The following DCC variants were observed in gnomAD, a reference collection of about 807,000 sequenced individuals.
DCC encodes netrin receptor DCC.
In DCC, 58 loss-of-function variants were observed where a neutral mutation model predicts 172.5. That is an observed-to-expected ratio of 0.34 (90% CI 0.27 to 0.42). The LOEUF is 0.42. Among genes scored for constraint, DCC ranks in the 10% least tolerant of loss-of-function variants. The pLI is 1.00. For synonymous variants in DCC, 709 were observed against 644.5 expected, an observed-to-expected ratio of 1.10 and a Z score of -1.52; for missense variants, 1,740 against 1,791.0, an observed-to-expected ratio of 0.97 and a Z score of 0.51.
intron 1 of DCC, among the ~76,000 whole-genome samples, chr18:52,637,134 A>C (rs1185126739): frequency 6.6e-6 from 1 of 152,156 alleles, no homozygotes; most frequent in African/African-American, 2.4e-5. Context: ...TAATACATCA[A>C]AGGAACACCC....
Position 52,359,866 on chromosome 18 carries a change from T to C in DCC, c.91+18988T>C, listed in dbSNP as rs192510482. On this transcript the variant is annotated intron_variant, in intron 1 of 28. Transcript: ENST00000442544. The stretch of plus-strand genomic sequence containing the variant: ...AACAGTGAGAGAGGAATTAATATTA[T>C]GTCCTTTTACAAGTAGGAAAAGTGA... Among the ~76,000 whole-genome samples, 12 of 152,358 alleles carry C rather than the reference T, an allele frequency of 7.9e-5. 1 individual carries two copies. Among genetic ancestry groups the C allele is most frequent in the African/African-American group, 2.9e-4 (12 of 41,594 alleles).
intron 2 of DCC, among the ~76,000 whole-genome samples, chr18:52,853,463 G>A (rs1370471903): frequency 2.6e-5 from 4 of 152,090 alleles, no homozygotes; most frequent in South Asian, 2.1e-4. Context: ...TTTATGAAAC[G>A]GTACACTTTT....
chr18:52,666,287 C>T (rs1397631004), intron 1 of DCC, among the ~76,000 whole-genome samples: 4 of 151,676 alleles, frequency 2.6e-5, no homozygotes, highest in Non-Finnish European at 5.9e-5. Flanking sequence ...GAGTGAGACT[C>T]CGTTACAAAA....
rs141192483 is a variant in DCC, at chr18:52,819,953, C to G, written c.412+67579C>G. 1.4e-3 allele frequency among the ~76,000 whole-genome samples: 214 copies of G among 152,180 alleles called. 1 individual carries two copies. The East Asian group carries it at 0.029, about 20-fold the overall frequency. On this transcript the variant is annotated intron_variant, in intron 2 of 28. Transcript: ENST00000442544. ...GCCAGGATGGTATCAATCTCCTGAC[C>G]TCGTGATCCACCTGCCTCGGCCTCC...
chr18:52,879,412 C>CTTTTTTTTTTTTTTTTGTTTTT (rs2039449222), intron 2 of DCC, among the ~76,000 whole-genome samples: 1 of 62,356 alleles, frequency 1.6e-5, no homozygotes, highest in African/African-American at 6.9e-5. Context: ...TGTTGTTTGG[C>CTTTTTTTTTTTTTTTTGTTTTT]TTTTTTTTTT....
chr18:52,376,902 C>T (rs960412234), intron 1 of DCC, among the ~76,000 whole-genome samples: 1 of 152,236 alleles, frequency 6.6e-6, no homozygotes, highest in East Asian at 1.9e-4. Flanking sequence ...GTGGTTAACA[C>T]GAAGTCAATG....
chr18:52,737,965 G>A (rs1036094282), intron 1 of DCC, among the ~76,000 whole-genome samples: 2 of 152,230 alleles, frequency 1.3e-5, no homozygotes, highest in Non-Finnish European at 2.9e-5. Context: ...TCAGACTACA[G>A]CCCAAAGGAG....
At chr18:52,731,226 TA>T (rs1366518227) in intron 1 of DCC, among the ~76,000 whole-genome samples, 3 of 152,242 alleles carry the variant, frequency 2.0e-5, no homozygotes, top group African/African-American at 7.2e-5. Flanking sequence ...TTCATTATGT[TA>T]ATACATGCAA....
chr18:52,638,054 A>G (rs1380634443), intron 1 of DCC, among the ~76,000 whole-genome samples: 1 of 152,234 alleles, frequency 6.6e-6, no homozygotes, highest in Non-Finnish European at 1.5e-5. Flanking sequence ...AACATTTTGT[A>G]TACAATGAAA....
At chr18:52,660,473 C>T (rs1361892773) in intron 1 of DCC, among the ~76,000 whole-genome samples, 1 of 152,050 alleles carries the variant, frequency 6.6e-6, no homozygotes, top group African/African-American at 2.4e-5. Context: ...TGTATGACTG[C>T]CTTGCTCTGG....
intron 2 of DCC, among the ~76,000 whole-genome samples, chr18:52,777,329 C>CT (rs1444574282): frequency 6.6e-6 from 1 of 152,018 alleles, no homozygotes; most frequent in African/African-American, 2.4e-5. Context: ...GAACTCAGGC[C>CT]TTGCCTTCTC....
chr18:52,939,965 G>A (rs2040435576), intron 5 of DCC, among the ~76,000 whole-genome samples: 2 of 152,086 alleles, frequency 1.3e-5, no homozygotes, highest in African/African-American at 4.8e-5. Flanking sequence ...TCAATGTGTG[G>A]TCTTCAGACC....
rs578193922 is a variant in DCC at position 52,464,884 on chromosome 18, G to A, written c.91+124006G>A. On this transcript the variant is annotated intron_variant, in intron 1 of 28. Coordinates refer to ENST00000442544, the MANE Select transcript of DCC (RefSeq NM_005215.4). ...GACATTTTTGGAGAGCACCATGATA[G>A]AAGGAGACTAATATCTTTATTGGTT... Among the ~76,000 whole-genome samples, 4 of 152,210 alleles carry A rather than the reference G, an allele frequency of 2.6e-5. No homozygotes were observed. The East Asian group carries it at 7.7e-4, about 29-fold the overall frequency.
chr18:53,288,355 A>G (rs778144086), intron 12 of DCC, among the ~76,000 whole-genome samples: 1 of 152,152 alleles, frequency 6.6e-6, no homozygotes, highest in Non-Finnish European at 1.5e-5. Context: ...ATTCTGAACT[A>G]CTTCCTGGTC....
intron 20 of DCC, among the ~76,000 whole-genome samples, chr18:53,412,427 A>T (rs988537120): frequency 1.3e-5 from 2 of 152,192 alleles, no homozygotes; most frequent in Non-Finnish European, 2.9e-5. Flanking sequence ...GTTCTAAGAC[A>T]AATAAATTAC....
At chr18:53,014,311 T>C (rs1471122582) in intron 5 of DCC, among the ~76,000 whole-genome samples, 1 of 152,142 alleles carries the variant, frequency 6.6e-6, no homozygotes, top group African/African-American at 2.4e-5. Context: ...TTTTAAGTTT[T>C]AGGGTACATG....
intron 2 of DCC, among the ~76,000 whole-genome samples, chr18:52,775,846 A>G (rs1335530343): frequency 6.6e-6 from 1 of 152,184 alleles, no homozygotes; most frequent in Admixed American, 6.5e-5. Context: ...TGAAAGTAGG[A>G]GTGCTCATGC....
At chr18:53,273,308 C>T (rs2056769235) in intron 12 of DCC, among the ~76,000 whole-genome samples, 2 of 152,016 alleles carry the variant, frequency 1.3e-5, no homozygotes, top group African/African-American at 4.8e-5. Flanking sequence ...GGTTTGTCCT[C>T]TTTTTGTTCT....
intron 1 of DCC, among the ~76,000 whole-genome samples, chr18:52,669,404 G>A (rs1347620021): frequency 6.6e-6 from 1 of 152,178 alleles, no homozygotes; most frequent in Non-Finnish European, 1.5e-5. Context: ...AGGCAAGAAG[G>A]AGATTTGTTT....
Sources: gnomAD v4.1 joint callset for allele counts (sites outside exome capture counted in the v4.1 genomes callset) on GRCh38, gnomAD v4.1.1 for gene constraint, MANE v1.5 for transcripts, NCBI Gene and HGNC (gene_info 2026-07-23, HGNC 2026-07-21) for gene names.